LTF: variants seen among roughly 807,000 people sequenced by gnomAD.
LTF encodes the protein lactotransferrin.
A neutral mutation model predicts 87.2 loss-of-function variants in LTF; 91 were observed. That is an observed-to-expected ratio of 1.04 (90% confidence interval 0.88 to 1.24). The LOEUF is 1.24. LTF is among the 50% of genes most tolerant of loss of function. The pLI is 0.00. For synonymous variants in LTF, 378 were observed against 356.1 expected, an observed-to-expected ratio of 1.06 and a Z score of -0.69; for missense variants, 901 against 904.3, an observed-to-expected ratio of 1.00 and a Z score of 0.05.
At chr3:46,475,319 T>C (rs890255325) in intron 1 of LTF, among the ~76,000 whole-genome samples, 18 of 152,230 alleles carry the variant, frequency 1.2e-4, no homozygotes, top group Admixed American at 3.3e-4. Context: ...GGTTTCACTG[T>C]CGAGTTCTAC....
chr3:46,464,824 C>T lies in LTF; in HGVS notation c.43+1G>A. On this transcript the variant is annotated splice_donor_variant, in intron 1 of 16. Transcript: ENST00000231751. LOFTEE classifies it high-confidence loss of function. ...TCGCGCCCCCAGGCACCTGCACTCA[C>T]CGAGGGCCCCGAGGAACAGCAGGAC... is the stretch of plus-strand genomic sequence containing the variant. The T allele has an allele frequency of 6.2e-7, 1 of 1,613,940 alleles. No individual in the cohort carries two copies. The highest frequency in any genetic ancestry group is 8.5e-7 in the Non-Finnish European group (1 of 1,180,002).
At position 46,443,529 on chromosome 3, in the gene LTF, A is replaced by T; in HGVS notation, c.1567T>A (p.Cys523Ser). 1 of 1,614,156 alleles carries T rather than the reference A, an allele frequency of 6.2e-7. No homozygotes were observed. Reference sequence around the variant, plus strand: ...TGCTCGTCGCCAATACACAGAGCACAGAGATTAGATCTCGGGTCAGACCCA... The same window carrying T: ...TGCTCGTCGCCAATACACAGAGCACTGAGATTAGATCTCGGGTCAGACCCA... ...APGSDPRSNL[C>S]ALCIGDEQGE... Residue 523 changes from cysteine (C) to serine (S), a missense_variant, in exon 13 of 17, where the codon TGT becomes AGT. By Grantham distance (112) the Cys-to-Ser change is moderately radical. Transcript: ENST00000231751.
At chr3:46,464,705 G>A in intron 1 of LTF, 120 bp downstream of exon 1, 1 of 1,095,088 alleles carries the variant, frequency 9.1e-7, no homozygotes. Context: ...GTAGGCGCTG[G>A]GACCGCGGGG....
intron 2 of LTF, among the ~76,000 whole-genome samples, chr3:46,469,986 T>A (rs2106916123): frequency 6.6e-6 from 1 of 152,014 alleles, no homozygotes; most frequent in African/African-American, 2.4e-5. Flanking sequence ...ACCCTCCTCC[T>A]CTGCAGGACC....
intron 10 of LTF, 103 bp from the exon 11 acceptor site, chr3:46,446,596 G>T: frequency 2.1e-6 from 2 of 951,444 alleles, no homozygotes; most frequent in Non-Finnish European, 3.3e-6. Context: ...CAAAGAGACC[G>T]TCCCAGCAGT....
chr3:46,442,842 A>G (rs1001366170), intron 13 of LTF, among the ~76,000 whole-genome samples: 1 of 152,194 alleles, frequency 6.6e-6, no homozygotes, highest in African/African-American at 2.4e-5. Context: ...CACACTGGTA[A>G]ATAGTGCCCC....
chr3:46,464,630 G>A (rs1287596826), intron 1 of LTF, among the ~76,000 whole-genome samples, 195 bp downstream of exon 1: 1 of 152,208 alleles, frequency 6.6e-6, no homozygotes, highest in Non-Finnish European at 1.5e-5. Context: ...GGCTTGAGGA[G>A]CCCAGCTCCT....
chr3:46,442,549 G>T lies in LTF; in HGVS notation c.1655+892C>A, dbSNP rs530513479. Among the ~76,000 whole-genome samples the T allele has an allele frequency of 1.0e-4, 15 of 150,212 alleles. No homozygotes were observed. The East Asian group carries it at 2.9e-3, about 29-fold the overall frequency. On this transcript the variant is annotated intron_variant, in intron 13 of 16. Transcript: ENST00000231751. ...CTTCTTTCGGGCTCTTATGAGACATGTGTTCAGCATTTCTGAGTAGAATCA... is the reference window on the plus strand; with the variant it reads ...CTTCTTTCGGGCTCTTATGAGACATTTGTTCAGCATTTCTGAGTAGAATCA...
intron 1 of LTF, among the ~76,000 whole-genome samples, chr3:46,482,574 G>GAA (rs760940381): frequency 2.7e-5 from 3 of 110,546 alleles, no homozygotes; most frequent in Non-Finnish European, 5.9e-5. Context: ...GGAAGGGAAA[G>GAA]GAAAGGAAGG....
At chr3:46,481,187 C>T (rs1703426664) in intron 1 of LTF, among the ~76,000 whole-genome samples, 1 of 152,242 alleles carries the variant, frequency 6.6e-6, no homozygotes, top group Non-Finnish European at 1.5e-5. Context: ...ACCACCCTGC[C>T]TGGATCACCC....
intron 6 of LTF, among the ~76,000 whole-genome samples, chr3:46,453,105 T>G (rs1195093786): frequency 2.6e-5 from 4 of 152,202 alleles, no homozygotes; most frequent in Non-Finnish European, 4.4e-5. Flanking sequence ...TAGAAGGAAC[T>G]TCTGTCCTTG....
At position 46,439,449 on chromosome 3, in the gene LTF, C is replaced by T; in HGVS notation, c.1755G>A (p.Leu585=). The part of the protein sequence containing the change: ...GNNNEAWAKD[L]KLADFALLCL... ...ACAGCAGCGCAAAGTCTGCCAGCTT[C>T]AAATCCTTAGCCCATGCCTCATTGT... The change falls in exon 15 of 17, where the codon TTG becomes TTA. Residue 585 remains leucine, a synonymous_variant. Transcript: ENST00000231751. 3.1e-6 allele frequency: 5 copies of T among 1,613,682 alleles called. No homozygotes were observed. Among genetic ancestry groups the T allele is most frequent in the Non-Finnish European group, 4.2e-6 (5 of 1,179,738 alleles).
chr3:46,471,290 C>T (rs1703282854), intron 1 of LTF, among the ~76,000 whole-genome samples: 1 of 152,180 alleles, frequency 6.6e-6, no homozygotes, highest in Non-Finnish European at 1.5e-5. Flanking sequence ...CTGTTTCTCT[C>T]TCTCTCCTTG....
chr3:46,451,887 G>A (rs534191363), intron 6 of LTF, among the ~76,000 whole-genome samples: 59 of 152,272 alleles, frequency 3.9e-4, no homozygotes, highest in African/African-American at 1.3e-3. Context: ...GAGACACCAC[G>A]CCTGGCCATA....
chr3:46,436,096 T>C lies in LTF; in HGVS notation c.*99A>G. Reference sequence around the variant, plus strand: ...GCAGATGGATGGGCAATCCCCACCTTCAGCAGGGGAGGCCAAGGCCCCAAC... The same window carrying C: ...GCAGATGGATGGGCAATCCCCACCTCCAGCAGGGGAGGCCAAGGCCCCAAC... On this transcript the variant is annotated 3_prime_UTR_variant, in exon 17 of 17. Coordinates refer to ENST00000231751, the MANE Select transcript of LTF (RefSeq NM_002343.6). 8.7e-7 allele frequency: 1 copy of C among 1,150,464 alleles called. No individual in the cohort carries two copies. Among genetic ancestry groups the C allele is most frequent in the Non-Finnish European group, 1.3e-6 (1 of 764,296 alleles). The allele number at this position is 1,150,464 out of a possible 1,614,324, so 71.3% of individuals were successfully genotyped here.
intron 14 of LTF, among the ~76,000 whole-genome samples, chr3:46,440,732 G>A (rs532825144): frequency 1.3e-5 from 2 of 152,328 alleles, no homozygotes; most frequent in South Asian, 4.1e-4. Context: ...GAGGGAGGCC[G>A]AAAGTGGAGA....
At chr3:46,448,783 T>C in intron 9 of LTF, 80 bp downstream of exon 9, 3 of 1,545,422 alleles carry the variant, frequency 1.9e-6, no homozygotes, top group Non-Finnish European at 2.6e-6. Context: ...TCTTTGACTG[T>C]TGACTTCACT....
At chr3:46,439,608 C>A in intron 14 of LTF, 128 bp from the exon 15 acceptor site, 1 of 723,812 alleles carries the variant, frequency 1.4e-6, no homozygotes. Flanking sequence ...ATGTGAGGAA[C>A]AGAGAAGGAG....
At chr3:46,478,835 A>G (rs1487029670) in intron 1 of LTF, among the ~76,000 whole-genome samples, 4 of 152,214 alleles carry the variant, frequency 2.6e-5, no homozygotes, top group South Asian at 4.1e-4. Flanking sequence ...TCAGAAAATA[A>G]TATTTTTTAT....
Sources: allele counts gnomAD v4.1 joint callset (sites outside exome capture counted in the v4.1 genomes callset), GRCh38; gene constraint gnomAD v4.1.1; transcripts MANE v1.5; gene names NCBI Gene and HGNC (gene_info 2026-07-23, HGNC 2026-07-21).